The following EFNA5 variants were observed in gnomAD, a reference collection of about 807,000 sequenced individuals.
The protein encoded by EFNA5 is ephrin A5, also known as ephrin-A5.
Under a neutral mutation model 22.9 loss-of-function variants are expected in EFNA5, and 5 were observed. The ratio of observed to expected loss-of-function variants is 0.22; its 90% CI spans 0.11 to 0.46. The LOEUF (loss-of-function observed/expected upper bound fraction) is 0.46, where lower values mean the gene tolerates loss of function less well. EFNA5 is among the 20% of genes least tolerant of loss of function. The pLI, the probability that EFNA5 is intolerant of heterozygous loss-of-function variation, is 0.99. For missense variants in EFNA5, 237 were observed against 293.3 expected (o/e 0.81, Z 1.40); for synonymous variants, 113 against 112.2 (o/e 1.01, Z -0.04).
intron 1 of EFNA5, among the ~76,000 whole-genome samples, chr5:107,547,074 C>A (rs776453776): frequency 6.6e-6 from 1 of 152,172 alleles, no homozygotes. Context: ...CAAGCAACCA[C>A]CAGTGGACTG....
At chr5:107,588,099 T>G (rs769295209) in intron 1 of EFNA5, among the ~76,000 whole-genome samples, 3 of 152,230 alleles carry the variant, frequency 2.0e-5, no homozygotes, top group Non-Finnish European at 4.4e-5. Context: ...TTGGCTGATG[T>G]AATAACTCAT....
intron 1 of EFNA5, among the ~76,000 whole-genome samples, chr5:107,605,415 T>C (rs942282190): frequency 1.3e-4 from 20 of 152,094 alleles, no homozygotes; most frequent in African/African-American, 4.8e-4. Context: ...AACACATGAA[T>C]ACAGCAGAAA....
chr5:107,426,186 G>A (rs899819862), intron 2 of EFNA5, among the ~76,000 whole-genome samples: 9 of 152,200 alleles, frequency 5.9e-5, no homozygotes, highest in African/African-American at 1.9e-4. Flanking sequence ...CTCAGATTAA[G>A]CTGTCCAATA....
intron 1 of EFNA5, among the ~76,000 whole-genome samples, chr5:107,559,612 T>C (rs1748495234): frequency 6.6e-6 from 1 of 152,204 alleles, no homozygotes; most frequent in South Asian, 2.1e-4. Flanking sequence ...ACATGAAGTT[T>C]TAAGTCATAT....
chr5:107,562,845 A>G (rs1419110987), intron 1 of EFNA5, among the ~76,000 whole-genome samples: 1 of 152,234 alleles, frequency 6.6e-6, no homozygotes, highest in Non-Finnish European at 1.5e-5. Context: ...AAGCCAAATT[A>G]TTCTTAGCAT....
At chr5:107,633,563 A>G (rs967138337) in intron 1 of EFNA5, among the ~76,000 whole-genome samples, 1 of 152,228 alleles carries the variant, frequency 6.6e-6, no homozygotes, top group Admixed American at 6.5e-5. Flanking sequence ...ATTATGCACT[A>G]GAATAACAGG....
At chr5:107,641,001 TA>T in intron 1 of EFNA5, among the ~76,000 whole-genome samples, 2 of 140,018 alleles carry the variant, frequency 1.4e-5, no homozygotes, top group Non-Finnish European at 3.2e-5. Flanking sequence ...GATAGATAGA[TA>T]GATAGATAGA....
At chr5:107,659,591 G>A (rs1378410717) in intron 1 of EFNA5, among the ~76,000 whole-genome samples, 1 of 140,996 alleles carries the variant, frequency 7.1e-6, no homozygotes, top group African/African-American at 2.6e-5. Flanking sequence ...GCCATCAAAA[G>A]AGAAAAATAG....
intron 1 of EFNA5, among the ~76,000 whole-genome samples, chr5:107,574,067 G>GT (rs1748872885): frequency 6.6e-6 from 1 of 152,180 alleles, no homozygotes; most frequent in Non-Finnish European, 1.5e-5. Context: ...AAAATAATCT[G>GT]TAAGAAAAAC....
At chr5:107,649,171 A>G (rs1750682343) in intron 1 of EFNA5, among the ~76,000 whole-genome samples, 1 of 152,142 alleles carries the variant, frequency 6.6e-6, no homozygotes. Context: ...TAATTCAATC[A>G]CCTTGTAAAG....
intron 1 of EFNA5, among the ~76,000 whole-genome samples, chr5:107,582,916 A>G (rs935813189): frequency 1.3e-5 from 2 of 152,176 alleles, no homozygotes; most frequent in Non-Finnish European, 2.9e-5. Context: ...AATAACTATA[A>G]TCTAGTTAGT....
chr5:107,569,340 C>A (rs1158316899), intron 1 of EFNA5, among the ~76,000 whole-genome samples: 1 of 134,554 alleles, frequency 7.4e-6, no homozygotes, highest in Admixed American at 7.1e-5. Context: ...GAAAGGACTG[C>A]AGACTACCCT....
chr5:107,482,759 C>T (rs1045876606), intron 1 of EFNA5, among the ~76,000 whole-genome samples: 2 of 151,588 alleles, frequency 1.3e-5, no homozygotes, highest in Middle Eastern at 3.2e-3. Flanking sequence ...ATCCCACAGG[C>T]TTTGGTCTCC....
intron 1 of EFNA5, among the ~76,000 whole-genome samples, chr5:107,464,881 C>T (rs17449298): frequency 0.033 from 4,956 of 152,264 alleles, 112 homozygotes; most frequent in Middle Eastern, 0.099. Flanking sequence ...TCCCTCCTCA[C>T]TCTGCGTCCT....
At chr5:107,583,523 T>C (rs1047389834) in intron 1 of EFNA5, among the ~76,000 whole-genome samples, 1 of 152,190 alleles carries the variant, frequency 6.6e-6, no homozygotes, top group Non-Finnish European at 1.5e-5. Context: ...TCCCAATGAA[T>C]GAGTTTTTAC....
intron 1 of EFNA5, among the ~76,000 whole-genome samples, chr5:107,658,067 A>G (rs1319511704): frequency 1.3e-5 from 2 of 152,174 alleles, no homozygotes; most frequent in African/African-American, 4.8e-5. Flanking sequence ...CTTTACAGAA[A>G]GAACGCATTT....
At chr5:107,478,859 C>T (rs1431271917) in intron 1 of EFNA5, among the ~76,000 whole-genome samples, 1 of 152,034 alleles carries the variant, frequency 6.6e-6, no homozygotes, top group Non-Finnish European at 1.5e-5. Context: ...TGAAACTTTT[C>T]GTTTTATTTA....
At chr5:107,614,398 C>T (rs556449327) in intron 1 of EFNA5, among the ~76,000 whole-genome samples, 14 of 152,174 alleles carry the variant, frequency 9.2e-5, no homozygotes, top group African/African-American at 3.1e-4. Flanking sequence ...AAATCATATA[C>T]AAAGTATTAC....
intron 1 of EFNA5, among the ~76,000 whole-genome samples, chr5:107,596,799 G>A (rs1180075762): frequency 6.6e-6 from 1 of 152,014 alleles, no homozygotes; most frequent in Non-Finnish European, 1.5e-5. Flanking sequence ...AAAAAATACT[G>A]AAAATTCTAT....
Sources: gnomAD v4.1 joint callset for allele counts (sites outside exome capture counted in the v4.1 genomes callset) on GRCh38, gnomAD v4.1.1 for gene constraint, MANE v1.5 for transcripts, NCBI Gene and HGNC (gene_info 2026-07-23, HGNC 2026-07-21) for gene names.